Variants in VPS11 observed in about 807,000 individuals in gnomAD.
VPS11 encodes the protein VPS11 core subunit of CORVET and HOPS complexes.
VPS11 carries 51 observed loss-of-function variants against 106.8 expected under a neutral mutation model. The ratio of observed to expected loss-of-function variants is 0.48; its 90% confidence interval spans 0.38 to 0.60. VPS11 has a LOEUF of 0.60. VPS11 is among the 20% of genes least tolerant of loss of function. The pLI is 0.00. For synonymous variants in VPS11, 453 were observed against 458.7 expected, an observed-to-expected ratio of 0.99 and a Z score of 0.16; for missense variants, 950 against 1,190.0, an observed-to-expected ratio of 0.80 and a Z score of 2.97.
intron 1 of VPS11, among the ~76,000 whole-genome samples, chr11:119,068,701 C>T (rs1945226650): frequency 6.6e-6 from 1 of 151,696 alleles, no homozygotes; most frequent in Non-Finnish European, 1.5e-5. Flanking sequence ...CCGCCTCGGC[C>T]TCCCAAAGTG....
At chr11:119,078,542 G>C (rs2134794834) in intron 11 of VPS11, 23 bp from the exon 12 acceptor site, 2 of 1,602,716 alleles carry the variant, frequency 1.2e-6, no homozygotes, top group East Asian at 2.2e-5. Context: ...TTGTCCAGCA[G>C]CTCTGCCCTC....
rs4614 is a variant in VPS11 at position 119,081,661 on chromosome 11, A to G, written c.*38A>G. 626,272 of 1,605,874 alleles carry G rather than the reference A, an allele frequency of 0.39. 124,905 individuals carry two copies. The highest frequency in any genetic ancestry group is 0.48 in the African/African-American group (35,664 of 74,818). ...AAGATGTGGGCAACAGTGGAGGACC[A>G]AGAGAACAGACACAATGGGACCTGG... On this transcript the variant is annotated 3_prime_UTR_variant, in exon 16 of 16. Coordinates refer to ENST00000621676, the MANE Select transcript of VPS11 (RefSeq NM_021729.6).
chr11:119,077,548 G>C lies in VPS11; in HGVS notation c.1473G>C (p.Lys491Asn), dbSNP rs1202377168. Residue 491 changes from lysine (K) to asparagine (N), a missense_variant, in exon 9 of 16, where the codon AAG (lysine) becomes AAC (asparagine). Lys to Asn is a moderately conservative substitution (Grantham distance 94). Coordinates refer to ENST00000621676, the MANE Select transcript of VPS11 (RefSeq NM_021729.6). The part of the protein sequence containing the change: ...EVHFDVETAI[K>N]VLRQAGYYSH... ...ACTTTGATGTGGAGACAGCCATCAA[G>C]GTCCTCCGGCAGGCTGGCTACTACT... is the stretch of plus-strand genomic sequence containing the variant. 6.2e-7 allele frequency: 1 copy of C among 1,614,034 alleles called. No individual in the cohort carries two copies. Among genetic ancestry groups the C allele is most frequent in the Non-Finnish European group, 8.5e-7 (1 of 1,179,886 alleles).
chr11:119,073,764 A>C, intron 6 of VPS11, 36 bp from the exon 7 acceptor site: 1 of 1,592,540 alleles, frequency 6.3e-7, no homozygotes, highest in South Asian at 1.1e-5. Flanking sequence ...TCCCAGGACC[A>C]CTTCTACCAA....
At chr11:119,068,405 C>G (rs1945203127) in intron 1 of VPS11, among the ~76,000 whole-genome samples, 1 of 147,428 alleles carries the variant, frequency 6.8e-6, no homozygotes, top group South Asian at 2.1e-4. Context: ...TTGTTGCTTT[C>G]ATCTTCATGT....
intron 8 of VPS11, 25 bp from the exon 9 acceptor site, chr11:119,077,476 A>G: frequency 6.2e-7 from 1 of 1,609,940 alleles, no homozygotes; most frequent in Admixed American, 1.7e-5. Context: ...TGTGTAAATG[A>G]TTTTGTCTCA....
chr11:119,079,085 A>T lies in VPS11; in HGVS notation c.2267-44A>T, dbSNP rs377386153. 1.0e-4 allele frequency: 161 copies of T among 1,612,088 alleles called. No individual in the cohort carries two copies. The African/African-American group carries it at 1.8e-3, about 18-fold the overall frequency. ...CCTTCACCTTTATCCAGAGAGTGCC[A>T]CACGTGGTTGATTGTCTTGTTTCCT... On this transcript the variant is annotated intron_variant, in intron 13 of 15. Transcript: ENST00000621676.
At position 119,077,904 on chromosome 11, in the gene VPS11, C is replaced by T. The variant is rs1388205211; in HGVS notation, c.1599C>T (p.Ile533=). The T allele has an allele frequency of 6.8e-6, 11 of 1,613,928 alleles. No homozygotes were observed. Among genetic ancestry groups the T allele is most frequent in the Admixed American group, 1.7e-5 (1 of 60,006 alleles). ...ATTATCAGGAAGCCCTTCGATACAT[C>T]GGCAAGCTGCCTTTTGAGCAGGCAG... ...IKNYQEALRY[I]GKLPFEQAES... is the part of the protein sequence containing the mutation. The change falls in exon 10 of 16, where the codon ATC becomes ATT. Residue 533 remains isoleucine (I), a synonymous_variant. Transcript: ENST00000621676.
chr11:119,078,756 A>G, intron 12 of VPS11, 39 bp from the exon 13 acceptor site: 1 of 1,609,066 alleles, frequency 6.2e-7, no homozygotes, highest in Non-Finnish European at 8.5e-7. Flanking sequence ...GTCATTTTCC[A>G]GAGACAGCCA....
intron 7 of VPS11, among the ~76,000 whole-genome samples, chr11:119,074,275 G>A (rs564768417): frequency 2.0e-5 from 3 of 152,104 alleles, no homozygotes; most frequent in East Asian, 3.9e-4. Context: ...TAGTAGAAAC[G>A]GGGTTTCACC....
chr11:119,068,019 C>T lies in VPS11; in HGVS notation c.187+9C>T, dbSNP rs2133640309. On this transcript the variant is annotated intron_variant, in intron 1 of 15. Coordinates refer to ENST00000621676, the MANE Select transcript of VPS11 (RefSeq NM_021729.6). Reference sequence around the variant, plus strand: ...GAGCCTGGTCTTTGGAGATATCCTTCGTTTGGAGCTGTCTTTTCCCTCCCG... The same window carrying T: ...GAGCCTGGTCTTTGGAGATATCCTTTGTTTGGAGCTGTCTTTTCCCTCCCG... The T allele has an allele frequency of 6.3e-7, 1 of 1,593,856 alleles. No individual in the cohort carries two copies. The highest frequency in any genetic ancestry group is 8.6e-7 in the Non-Finnish European group (1 of 1,165,822).
chr11:119,075,617 T>C (rs1172358330), intron 7 of VPS11, among the ~76,000 whole-genome samples: 2 of 149,902 alleles, frequency 1.3e-5, no homozygotes, highest in African/African-American at 2.5e-5. Context: ...TTTGGGAGGC[T>C]GAGGCAGGTG....
At position 119,081,433 on chromosome 11, in the gene VPS11, A is replaced by T. The variant is rs371120244; in HGVS notation, c.2662-26A>T. On this transcript the variant is annotated intron_variant, in intron 15 of 15. Transcript: ENST00000621676. ...AACAAGCACTTTGATTCTGATTCGT[A>T]TTCCTTCCCTCCTCTTCTCCTGCAG... The T allele has an allele frequency of 5.8e-5, 93 of 1,612,078 alleles. No individual in the cohort carries two copies. In the African/African-American group the frequency reaches 1.2e-3, roughly 20 times the overall value.
rs1368832392 is a variant in VPS11, at chr11:119,081,540, G to C, written c.2743G>C (p.Asp915His). The change falls in exon 16 of 16, where the codon GAC (aspartate) becomes CAC (histidine). Residue 915 changes from aspartate (D) to histidine (H), a missense_variant. Physicochemically the swap from Asp to His is moderately conservative, Grantham distance 81. Coordinates refer to ENST00000621676, the MANE Select transcript of VPS11 (RefSeq NM_021729.6). ...GVFNKLTLLT[D>H]PPTARLTSSL... ...TTTCAACAAATTGACTCTGCTGACC[G>C]ACCCTCCCACAGCCAGACTGACCTC... The C allele has an allele frequency of 3.7e-6, 6 of 1,613,924 alleles. No homozygotes were observed. The Middle Eastern group carries it at 4.9e-4, about 133-fold the overall frequency.
At position 119,068,443 on chromosome 11, in the gene VPS11, C is replaced by CTTT. The variant is rs1945208004; in HGVS notation, c.187+433_187+434insTTT. ...CTGCTACTAAATTCTGGCCTTTTTA[C>CTTT]CTTTTTTTTTTTTTTTTTTTTTTTG... On this transcript the variant is annotated intron_variant, in intron 1 of 15. Coordinates refer to ENST00000621676, the MANE Select transcript of VPS11 (RefSeq NM_021729.6). Among the ~76,000 whole-genome samples the CTTT allele has an allele frequency of 4.8e-3, 171 of 35,782 alleles. 21 individuals carry two copies. Among genetic ancestry groups the CTTT allele is most frequent in the Non-Finnish European group, 7.3e-3 (89 of 12,228 alleles). 23.5% of individuals were successfully genotyped at this position (35,782 alleles called of 152,430 possible).
chr11:119,077,856 T>C (rs1383917795), intron 9 of VPS11, 22 bp from the exon 10 acceptor site: 1 of 1,613,496 alleles, frequency 6.2e-7, no homozygotes, highest in African/African-American at 1.3e-5. Context: ...TATACACTAT[T>C]CTGCCCTTTA....
At chr11:119,078,394 C>G (rs905466020) in intron 11 of VPS11, 60 bp downstream of exon 11, 2 of 1,590,148 alleles carry the variant, frequency 1.3e-6, no homozygotes, top group Admixed American at 1.7e-5. Flanking sequence ...ATTCTTCCGT[C>G]TTGGTGGCTG....
chr11:119,067,924 C>T lies in VPS11; in HGVS notation c.101C>T (p.Ala34Val). ...NDGAAPGATP[A>V]SGSAASKFLC... ...GGGGCCGCTCCCGGGGCCACACCTG[C>T]TTCTGGATCCGCTGCTTCCAAGTTC... Residue 34 changes from alanine to valine, a missense_variant, in exon 1 of 16, where the codon GCT becomes GTT. Coordinates refer to ENST00000621676, the MANE Select transcript of VPS11 (RefSeq NM_021729.6). 6.2e-7 allele frequency: 1 copy of T among 1,611,266 alleles called. No individual in the cohort carries two copies. The highest frequency in any genetic ancestry group is 8.5e-7 in the Non-Finnish European group (1 of 1,178,748).
chr11:119,073,171 A>G, intron 5 of VPS11, 27 bp from the exon 6 acceptor site: 1 of 1,597,458 alleles, frequency 6.3e-7, no homozygotes, highest in Non-Finnish European at 8.5e-7. Context: ...ATGTCCAAAC[A>G]TCTGGTGCTT....
Sources: allele counts gnomAD v4.1 joint callset (sites outside exome capture counted in the v4.1 genomes callset), GRCh38; gene constraint gnomAD v4.1.1; transcripts MANE v1.5; gene names NCBI Gene and HGNC (gene_info 2026-07-23, HGNC 2026-07-21).